POU2F2: variants seen among roughly 807,000 people sequenced by gnomAD.
POU2F2 encodes POU class 2 homeobox 2.
In POU2F2, 14 loss-of-function variants were observed where a neutral mutation model predicts 63.5. That is an observed-to-expected ratio of 0.22 (90% confidence interval 0.15 to 0.34). The LOEUF (loss-of-function observed/expected upper bound fraction) is 0.34. POU2F2 is among the 10% of genes least tolerant of loss of function. The probability of loss-of-function intolerance (pLI) is 1.00; values close to 1 mark genes in which losing one functional copy is unlikely to be tolerated. For synonymous variants in POU2F2, 306 were observed against 348.6 expected (o/e 0.88, Z 1.36); for missense variants, 607 against 815.2 (o/e 0.74, Z 3.11).
intron 2 of POU2F2, among the ~76,000 whole-genome samples, chr19:42,142,122 T>C (rs995777905): frequency 6.6e-6 from 1 of 152,244 alleles, no homozygotes; most frequent in Non-Finnish European, 1.5e-5. Context: ...GTACAAGTAT[T>C]AAGCAAATGC....
chr19:42,138,386 A>C (rs1599649151), intron 2 of POU2F2, among the ~76,000 whole-genome samples: 1 of 152,274 alleles, frequency 6.6e-6, no homozygotes, highest in South Asian at 2.1e-4. Flanking sequence ...GAGGTCCTGA[A>C]GGATGAAAGG....
intron 14 of POU2F2, 78 bp from the exon 15 acceptor site, chr19:42,091,669 A>G: frequency 6.4e-7 from 1 of 1,550,578 alleles, no homozygotes; most frequent in Non-Finnish European, 8.7e-7. Context: ...TCCTGCCCAG[A>G]GTGCCCCCCA....
chr19:42,122,282 C>A, intron 3 of POU2F2, 62 bp downstream of exon 3: 1 of 1,543,076 alleles, frequency 6.5e-7, no homozygotes, highest in Non-Finnish European at 8.8e-7. Flanking sequence ...GGCACAGAGC[C>A]CCCTCTGAAC....
intron 4 of POU2F2, among the ~76,000 whole-genome samples, chr19:42,120,326 C>G (rs915313581): frequency 6.6e-6 from 1 of 151,696 alleles, no homozygotes; most frequent in African/African-American, 2.4e-5. Context: ...AAGCAATTCT[C>G]CACAATGCCT....
rs976270338 is a variant in POU2F2, at chr19:42,155,216, T to C, written c.-9+5116A>G. Among the ~76,000 whole-genome samples, 1 of 152,282 alleles carries C rather than the reference T, an allele frequency of 6.6e-6. No homozygotes were observed. The highest frequency in any genetic ancestry group is 2.4e-5 in the African/African-American group (1 of 41,480). On this transcript the variant is annotated intron_variant, in intron 2 of 6. Coordinates refer to the POU2F2 transcript ENST00000524801. This position sits in a 1 kb window ranked among gnomAD's most constrained non-coding sequence, Gnocchi z 4.2. Reference sequence around the variant, plus strand: ...TTCATCTTTCTCTGATGCACTCTCATGCGCTCAGCTCGCATGCACGCGCCC... The same window carrying C: ...TTCATCTTTCTCTGATGCACTCTCACGCGCTCAGCTCGCATGCACGCGCCC...
chr19:42,124,303 C>CAAAAA (rs1249716927), intron 1 of POU2F2, among the ~76,000 whole-genome samples: 1 of 44,202 alleles, frequency 2.3e-5, no homozygotes, highest in Admixed American at 2.4e-4. Context: ...GACCCTGTCT[C>CAAAAA]AAAAAAAAAA....
chr19:42,104,358 C>G (rs1390125179), intron 5 of POU2F2, among the ~76,000 whole-genome samples: 1 of 151,958 alleles, frequency 6.6e-6, no homozygotes, highest in African/African-American at 2.4e-5. Context: ...TATTCTCACT[C>G]TAGAAGGCTG....
intron 1 of POU2F2, among the ~76,000 whole-genome samples, 156 bp from the exon 2 acceptor site, chr19:42,122,732 G>A (rs534894521): frequency 9.2e-5 from 14 of 151,450 alleles, no homozygotes; most frequent in African/African-American, 1.2e-4. Context: ...CATGTCCTCC[G>A]TTCTGGGCCT....
intron 7 of POU2F2, among the ~76,000 whole-genome samples, chr19:42,098,179 G>A (rs1161805601): frequency 6.6e-6 from 1 of 152,136 alleles, no homozygotes; most frequent in Admixed American, 6.5e-5. Flanking sequence ...TTAGGAGGCC[G>A]AGGCAGGTGG....
intron 2 of POU2F2, among the ~76,000 whole-genome samples, chr19:42,137,668 C>T (rs1293204789): frequency 2.0e-5 from 3 of 151,676 alleles, no homozygotes; most frequent in Admixed American, 2.0e-4. Context: ...CAGTGAGCTA[C>T]GATCATGCCA....
At chr19:42,121,255 C>T (rs1359533848) in intron 4 of POU2F2, among the ~76,000 whole-genome samples, 1 of 152,170 alleles carries the variant, frequency 6.6e-6, no homozygotes, top group Admixed American at 6.5e-5. Flanking sequence ...CCCTAGACCC[C>T]GTTCAAAGCG....
Position 42,092,987 on chromosome 19 carries a change from GTATATATATA to G in POU2F2, c.1265-727_1265-718del, listed in dbSNP as rs56158047. On this transcript the variant is annotated intron_variant, in intron 12 of 14. Transcript: ENST00000692977. The surrounding 1 kb of genome is among the most constrained non-coding windows in gnomAD (Gnocchi z 5.0). ...ATGCATATATATATTATGTGTGTGT[GTATATATATA>G]TATATATATATATTTTTTTTTTTTT... 1.1e-5 allele frequency among the ~76,000 whole-genome samples: 1 copy of G among 92,904 alleles called. No homozygotes were observed. Among genetic ancestry groups the G allele is most frequent in the Admixed American group, 1.4e-4 (1 of 7,126 alleles). The allele number at this position is 92,904 out of a possible 152,430, so 60.9% of individuals were successfully genotyped here.
chr19:42,159,659 T>G (rs1390099477), intron 2 of POU2F2, among the ~76,000 whole-genome samples: 1 of 152,132 alleles, frequency 6.6e-6, no homozygotes, highest in Non-Finnish European at 1.5e-5. Context: ...GAACTATGGC[T>G]TCTACCTGGG....
intron 1 of POU2F2, among the ~76,000 whole-genome samples, chr19:42,194,859 A>G (rs1408614319): frequency 7.4e-5 from 8 of 107,908 alleles, no homozygotes; most frequent in East Asian, 3.3e-4. Flanking sequence ...GAGGGAGGGA[A>G]GGTGGAAAGA....
At position 42,117,911 on chromosome 19, in the gene POU2F2, ATC is replaced by A. The variant is rs2032136297; in HGVS notation, c.187-481_187-480del. On this transcript the variant is annotated intron_variant, in intron 4 of 14. Transcript: ENST00000692977. This position sits in a 1 kb window ranked among gnomAD's most constrained non-coding sequence, Gnocchi z 4.4. ...CTTCATCTGTATCACACAGAGGTAC[ATC>A]TCTCTTGCTTTTTTTTTCTTTTTGT... Among the ~76,000 whole-genome samples, 1 of 151,468 alleles carries A rather than the reference ATC, an allele frequency of 6.6e-6. No individual in the cohort carries two copies. Among genetic ancestry groups the A allele is most frequent in the Non-Finnish European group, 1.5e-5 (1 of 67,888 alleles).
chr19:42,168,044 C>T (rs1373823141), intron 1 of POU2F2, among the ~76,000 whole-genome samples: 3 of 152,176 alleles, frequency 2.0e-5, no homozygotes, highest in African/African-American at 7.2e-5. Flanking sequence ...AGCTCCTGAC[C>T]TCCATTCCCT....
upstream of POU2F2, among the ~76,000 whole-genome samples, chr19:42,135,288 G>C (rs956975139): frequency 2.0e-5 from 3 of 152,054 alleles, no homozygotes; most frequent in African/African-American, 7.2e-5. Context: ...GCCAGGAGAT[G>C]AACTTGGGCC....
intron 4 of POU2F2, among the ~76,000 whole-genome samples, chr19:42,119,841 G>A (rs2032382075): frequency 6.6e-6 from 1 of 152,064 alleles, no homozygotes; most frequent in Admixed American, 6.5e-5. Context: ...TTTTTTCATT[G>A]TTTCTGGTTA....
intron 1 of POU2F2, among the ~76,000 whole-genome samples, chr19:42,164,220 AG>A (rs2034605549): frequency 6.7e-6 from 1 of 148,922 alleles, no homozygotes; most frequent in Non-Finnish European, 1.5e-5. Flanking sequence ...TGAACCCAGG[AG>A]GTGGAGGTTG....
Sources: gnomAD v4.1 joint callset for allele counts (sites outside exome capture counted in the v4.1 genomes callset) on GRCh38, gnomAD v4.1.1 for gene constraint, Gnocchi (gnomAD v3.1) non-coding constraint, MANE v1.5 for transcripts, NCBI Gene and HGNC (gene_info 2026-07-23, HGNC 2026-07-21) for gene names.